GALNTL6: variants seen among roughly 807,000 people sequenced by gnomAD.
The protein encoded by GALNTL6 is polypeptide N-acetylgalactosaminyltransferase-like 6.
In GALNTL6, 46 loss-of-function variants were observed where a neutral mutation model predicts 73.7. That is an observed-to-expected ratio of 0.62 (90% confidence interval 0.49 to 0.80). The LOEUF (loss-of-function observed/expected upper bound fraction) is 0.80. Ranked by LOEUF, GALNTL6 falls within the 30% of genes least tolerant of loss-of-function variation. GALNTL6 has a pLI of 0.00. For missense variants in GALNTL6, 604 were observed against 755.0 expected (o/e 0.80, Z 2.34); for synonymous variants, 259 against 263.7 (o/e 0.98, Z 0.17).
At chr4:172,212,450 C>T (rs979017397) in intron 2 of GALNTL6, among the ~76,000 whole-genome samples, 10 of 152,152 alleles carry the variant, frequency 6.6e-5, no homozygotes, top group Admixed American at 1.3e-4. Flanking sequence ...TGAGTTACCT[C>T]GCCCAGCCAA....
At chr4:172,603,764 C>T (rs1738155458) in intron 5 of GALNTL6, among the ~76,000 whole-genome samples, 1 of 152,142 alleles carries the variant, frequency 6.6e-6, no homozygotes, top group Non-Finnish European at 1.5e-5. Flanking sequence ...ATGCTTGATT[C>T]CATGGCAGGC....
chr4:172,037,548 C>T (rs1443111760), intron 2 of GALNTL6, among the ~76,000 whole-genome samples: 3 of 152,092 alleles, frequency 2.0e-5, no homozygotes, highest in Non-Finnish European at 4.4e-5. Flanking sequence ...TTCCTTGTCC[C>T]TCCTATTATG....
chr4:172,413,163 A>T (rs1236865387), intron 5 of GALNTL6, among the ~76,000 whole-genome samples: 1 of 152,196 alleles, frequency 6.6e-6, no homozygotes, highest in East Asian at 1.9e-4. Flanking sequence ...ATTGACTTAA[A>T]CAGGGTTCAT....
chr4:172,547,604 A>AT (rs1319495366), intron 5 of GALNTL6, among the ~76,000 whole-genome samples: 10 of 151,900 alleles, frequency 6.6e-5, no homozygotes, highest in East Asian at 5.8e-4. Flanking sequence ...CCTTTAGATC[A>AT]TTTTTTTTCC....
intron 2 of GALNTL6, among the ~76,000 whole-genome samples, chr4:171,892,947 C>G (rs187692834): frequency 6.6e-6 from 1 of 151,992 alleles, no homozygotes; most frequent in South Asian, 2.1e-4. Flanking sequence ...GTGTATGGCC[C>G]AGGAAGGACC....
intron 2 of GALNTL6, among the ~76,000 whole-genome samples, chr4:172,184,961 C>G (rs952604874): frequency 4.6e-5 from 7 of 152,188 alleles, no homozygotes; most frequent in African/African-American, 1.7e-4. Flanking sequence ...GACTTCACTT[C>G]CCAACACTGT....
At chr4:171,894,432 T>C (rs545627929) in intron 2 of GALNTL6, among the ~76,000 whole-genome samples, 10 of 152,320 alleles carry the variant, frequency 6.6e-5, no homozygotes, top group Non-Finnish European at 1.2e-4. Context: ...CTTTTAGTAA[T>C]TGCACAAGAC....
chr4:172,642,987 C>T (rs1433536178), intron 5 of GALNTL6, among the ~76,000 whole-genome samples: 1 of 151,612 alleles, frequency 6.6e-6, no homozygotes, highest in East Asian at 1.9e-4. Flanking sequence ...ATTCTAACCA[C>T]CAGCATTTGA....
chr4:172,018,470 T>C (rs1741280002), intron 2 of GALNTL6, among the ~76,000 whole-genome samples: 1 of 151,974 alleles, frequency 6.6e-6, no homozygotes, highest in African/African-American at 2.4e-5. Flanking sequence ...CTGTGCAGTA[T>C]AGTTTGCCAG....
intron 9 of GALNTL6, among the ~76,000 whole-genome samples, chr4:172,934,012 A>G (rs767609405): frequency 7.2e-5 from 11 of 152,254 alleles, no homozygotes; most frequent in Non-Finnish European, 1.0e-4. Flanking sequence ...GGTGTATACT[A>G]TAGAAATACA....
chr4:172,467,653 C>A (rs1311196760), intron 5 of GALNTL6, among the ~76,000 whole-genome samples: 1 of 152,064 alleles, frequency 6.6e-6, no homozygotes, highest in Non-Finnish European at 1.5e-5. Flanking sequence ...GACTAGCCCA[C>A]ATTTAAGAGG....
chr4:172,219,223 A>ATATATATATAT (rs56923371), intron 2 of GALNTL6, among the ~76,000 whole-genome samples: 19 of 141,946 alleles, frequency 1.3e-4, no homozygotes, highest in South Asian at 4.4e-4. Context: ...ATATATATAT[A>ATATATATATAT]ATCCTTCTGT....
chr4:172,344,543 A>C (rs1308245912), intron 4 of GALNTL6, among the ~76,000 whole-genome samples: 1 of 152,144 alleles, frequency 6.6e-6, no homozygotes, highest in Non-Finnish European at 1.5e-5. Context: ...TCTGCAACAC[A>C]TTGTCTGCCC....
At chr4:172,528,967 G>A (rs1234118828) in intron 5 of GALNTL6, among the ~76,000 whole-genome samples, 1,316 of 6,094 alleles carry the variant, frequency 0.22, 59 homozygotes, top group East Asian at 0.45. Context: ...ATATATATGT[G>A]TGTGTATATT....
intron 4 of GALNTL6, among the ~76,000 whole-genome samples, chr4:172,324,375 A>G (rs1740873816): frequency 6.6e-6 from 1 of 151,872 alleles, no homozygotes; most frequent in South Asian, 2.1e-4. Context: ...TAAAAGGAAA[A>G]AAGAAATAAA....
intron 5 of GALNTL6, among the ~76,000 whole-genome samples, chr4:172,590,477 A>G (rs1457231020): frequency 6.6e-6 from 1 of 152,158 alleles, no homozygotes; most frequent in Non-Finnish European, 1.5e-5. Flanking sequence ...TTACCACTTC[A>G]TAGTTTGGGA....
At chr4:172,569,692 G>GA (rs748901423) in intron 5 of GALNTL6, among the ~76,000 whole-genome samples, 45 of 151,950 alleles carry the variant, frequency 3.0e-4, no homozygotes, top group Non-Finnish European at 6.2e-4. Flanking sequence ...GTCATAAAGG[G>GA]AAAAAAAAGA....
chr4:171,900,106 A>C (rs1271851764), intron 2 of GALNTL6, among the ~76,000 whole-genome samples: 1 of 152,150 alleles, frequency 6.6e-6, no homozygotes, highest in South Asian at 2.1e-4. Context: ...TAAAATGAAT[A>C]TTTTCTTCCT....
intron 5 of GALNTL6, among the ~76,000 whole-genome samples, chr4:172,742,926 T>G (rs1256338752): frequency 6.6e-6 from 1 of 152,040 alleles, no homozygotes; most frequent in African/African-American, 2.4e-5. Context: ...TTACTGCTTT[T>G]ACTTAATGAT....
Sources: gnomAD v4.1 joint callset for allele counts (sites outside exome capture counted in the v4.1 genomes callset) on GRCh38, gnomAD v4.1.1 for gene constraint, MANE v1.5 for transcripts, NCBI Gene and HGNC (gene_info 2026-07-23, HGNC 2026-07-21) for gene names.